CACNA1E: variants seen among roughly 807,000 people sequenced by gnomAD.
CACNA1E encodes voltage-dependent R-type calcium channel subunit alpha-1E.
Under a neutral mutation model 259.2 loss-of-function variants are expected in CACNA1E, and 40 were observed. The observed-to-expected ratio is 0.15, with a 90% CI of 0.12 to 0.20. CACNA1E has a LOEUF of 0.20. CACNA1E is among the 10% of genes least tolerant of loss of function. CACNA1E has a pLI of 1.00. For synonymous variants in CACNA1E, 1,104 were observed against 1,138.5 expected (o/e 0.97, Z 0.61); for missense variants, 1,874 against 3,040.1 (o/e 0.62, Z 9.02).
At chr1:181,502,948 C>T (rs1454530143) in intron 1 of CACNA1E, among the ~76,000 whole-genome samples, 1 of 152,224 alleles carries the variant, frequency 6.6e-6, no homozygotes, top group Non-Finnish European at 1.5e-5. Context: ...ATTCACTCGC[C>T]TCGGCCTCCC....
At chr1:181,661,758 A>C (rs1647706255) in intron 7 of CACNA1E, among the ~76,000 whole-genome samples, 1 of 152,228 alleles carries the variant, frequency 6.6e-6, no homozygotes, top group African/African-American at 2.4e-5. Flanking sequence ...CAGTGACCAT[A>C]TGAGGAAGTA....
At chr1:181,397,759 T>A (rs1305841050) in intron 1 of CACNA1E, among the ~76,000 whole-genome samples, 1 of 152,210 alleles carries the variant, frequency 6.6e-6, no homozygotes, top group Non-Finnish European at 1.5e-5. Context: ...TCCCTCTCCC[T>A]GCTGAGCTCC....
chr1:181,408,335 G>C (rs892105837), intron 1 of CACNA1E, among the ~76,000 whole-genome samples: 121 of 152,262 alleles, frequency 7.9e-4, no homozygotes, highest in African/African-American at 2.9e-3. Flanking sequence ...TCATCTTTAA[G>C]GGTCTGAGAG....
chr1:181,715,948 C>T (rs547710125), intron 9 of CACNA1E, 92 bp from the exon 10 acceptor site: 1 of 778,280 alleles, frequency 1.3e-6, no homozygotes, highest in Non-Finnish European at 2.2e-6. Flanking sequence ...GGGCCTCACA[C>T]AAGGCATCTT....
chr1:181,760,096 GCAC>G lies in CACNA1E; in HGVS notation c.4605+1232_4605+1234del, dbSNP rs200381993. 5.6e-3 allele frequency among the ~76,000 whole-genome samples: 851 copies of G among 152,300 alleles called. 8 individuals are homozygous for G. Among genetic ancestry groups the G allele is most frequent in the African/African-American group, 0.02 (821 of 41,550 alleles). ...GGAGCTGAGAGAGAGGGAGACGCAAGCACCACAACAGGGAAATTTTTTCTATGC... is the reference window on the plus strand; with the variant it reads ...GGAGCTGAGAGAGAGGGAGACGCAAGCACAACAGGGAAATTTTTTCTATGC... On this transcript the variant is annotated intron_variant, in intron 32 of 47. Transcript: ENST00000367573.
At chr1:181,399,687 T>G (rs191726819) in intron 1 of CACNA1E, among the ~76,000 whole-genome samples, 2 of 152,378 alleles carry the variant, frequency 1.3e-5, no homozygotes, top group East Asian at 3.9e-4. Context: ...TCTCACCTCA[T>G]GTTCAGCATT....
At chr1:181,473,497 G>A (rs962298368) in intron 2 of CACNA1E, among the ~76,000 whole-genome samples, 13 of 152,146 alleles carry the variant, frequency 8.5e-5, no homozygotes, top group Non-Finnish European at 1.9e-4. Flanking sequence ...GGAGCAGGTT[G>A]GGCTACGAAT....
intron 1 of CACNA1E, among the ~76,000 whole-genome samples, chr1:181,345,355 A>G (rs1652509843): frequency 6.6e-6 from 1 of 152,222 alleles, no homozygotes; most frequent in Admixed American, 6.5e-5. Flanking sequence ...GTGACAGGAA[A>G]CACTGGCGGA....
intron 21 of CACNA1E, 29 bp downstream of exon 21, chr1:181,733,779 C>A (rs1465531056): frequency 1.4e-6 from 2 of 1,456,380 alleles, no homozygotes; most frequent in East Asian, 5.2e-5. Flanking sequence ...TTCCCCTCCA[C>A]CCCCAACTCC....
intron 7 of CACNA1E, among the ~76,000 whole-genome samples, chr1:181,686,052 G>A (rs920809249): frequency 2.0e-5 from 3 of 151,926 alleles, no homozygotes; most frequent in African/African-American, 7.3e-5. Flanking sequence ...GCCTCCCCAG[G>A]GTAGTCTTGA....
chr1:181,376,512 G>C (rs1233396592), intron 1 of CACNA1E, among the ~76,000 whole-genome samples: 1 of 152,184 alleles, frequency 6.6e-6, no homozygotes, highest in Non-Finnish European at 1.5e-5. Flanking sequence ...TAGAGGCATA[G>C]AGGACCTCAT....
Position 181,776,217 on chromosome 1 carries a change from C to G in CACNA1E, c.5256C>G (p.Asp1752Glu), listed in dbSNP as rs946602082. The G allele has an allele frequency of 6.2e-7, 1 of 1,613,916 alleles. No individual in the cohort carries two copies. Among genetic ancestry groups the G allele is most frequent in the Non-Finnish European group, 8.5e-7 (1 of 1,179,878 alleles). ...DEFVRVWAEY[D>E]RAACGRIHYT... ...TTGTCCGCGTCTGGGCAGAATATGACCGAGCAGCATGGTGCGTAGGCCCCT... is the reference window on the plus strand; with the variant it reads ...TTGTCCGCGTCTGGGCAGAATATGAGCGAGCAGCATGGTGCGTAGGCCCCT... Residue 1752 changes from aspartate to glutamate, a missense_variant, in exon 38 of 48, where the codon GAC (aspartate) becomes GAG (glutamate). Coordinates refer to ENST00000367573, the MANE Select transcript of CACNA1E (RefSeq NM_001205293.3). The surrounding 1 kb of genome is among the most constrained non-coding windows in gnomAD (Gnocchi z 4.4).
intron 37 of CACNA1E, among the ~76,000 whole-genome samples, chr1:181,774,541 C>G (rs1280273966): frequency 1.3e-5 from 2 of 152,234 alleles, no homozygotes; most frequent in East Asian, 3.9e-4. Context: ...TGTTGGGGCC[C>G]CAGACCTACT....
chr1:181,692,847 G>A (rs1012857704), intron 7 of CACNA1E, among the ~76,000 whole-genome samples: 5 of 151,926 alleles, frequency 3.3e-5, no homozygotes, highest in African/African-American at 9.7e-5. Flanking sequence ...TATCAACAGA[G>A]TAAACAGACA....
At chr1:181,794,819 T>G (rs776345648) in intron 45 of CACNA1E, 45 bp from the exon 46 acceptor site, 7 of 1,541,356 alleles carry the variant, frequency 4.5e-6, no homozygotes, top group Non-Finnish European at 5.3e-6. Context: ...ATCTTTTCAA[T>G]CGTTAATCCA....
At chr1:181,557,692 G>T (rs1189100460) in intron 3 of CACNA1E, among the ~76,000 whole-genome samples, 1 of 152,216 alleles carries the variant, frequency 6.6e-6, no homozygotes, top group Non-Finnish European at 1.5e-5. Flanking sequence ...ACTGCTGGGA[G>T]ACCTTCCTAA....
chr1:181,434,880 C>T (rs1191712216), intron 2 of CACNA1E, among the ~76,000 whole-genome samples: 1 of 152,180 alleles, frequency 6.6e-6, no homozygotes, highest in African/African-American at 2.4e-5. Context: ...TGTGCTGGAG[C>T]GGGCTCATGG....
chr1:181,790,325 C>A, intron 43 of CACNA1E, 120 bp from the exon 44 acceptor site: 3 of 496,842 alleles, frequency 6.0e-6, no homozygotes, highest in East Asian at 3.3e-5. Context: ...GGACTAGCCA[C>A]ATGTAAGTTA....
At chr1:181,537,056 C>G (rs1242942775) in intron 3 of CACNA1E, among the ~76,000 whole-genome samples, 1 of 150,542 alleles carries the variant, frequency 6.6e-6, no homozygotes, top group African/African-American at 2.5e-5. Context: ...TGGTCATATT[C>G]TCTTCTGAGG....
Sources: allele counts gnomAD v4.1 joint callset (sites outside exome capture counted in the v4.1 genomes callset), GRCh38; gene constraint gnomAD v4.1.1; non-coding constraint Gnocchi (gnomAD v3.1); transcripts MANE v1.5; gene names NCBI Gene and HGNC (gene_info 2026-07-23, HGNC 2026-07-21).